PPP2R3A: variants seen among roughly 807,000 people sequenced by gnomAD.
PPP2R3A encodes protein phosphatase 2 regulatory subunit B''alpha.
A neutral mutation model predicts 106.9 loss-of-function variants in PPP2R3A; 80 were observed. The ratio of observed to expected loss-of-function variants is 0.75; its 90% confidence interval spans 0.62 to 0.90. The LOEUF is 0.90. PPP2R3A is among the 40% of genes least tolerant of loss of function. The probability of loss-of-function intolerance (pLI) is 0.00; values close to 1 mark genes in which losing one functional copy is unlikely to be tolerated. For missense variants in PPP2R3A, 1,386 were observed against 1,350.4 expected (o/e 1.03, Z -0.41); for synonymous variants, 483 against 468.3 (o/e 1.03, Z -0.41).
chr3:136,103,118 T>G, intron 11 of PPP2R3A, 140 bp from the exon 12 acceptor site: 3 of 511,692 alleles, frequency 5.9e-6, no homozygotes, highest in Non-Finnish European at 1.0e-5. Context: ...AAAAAAGAAA[T>G]GAGATTTAAA....
chr3:136,063,999 A>G (rs1936173399), intron 5 of PPP2R3A, among the ~76,000 whole-genome samples: 1 of 151,396 alleles, frequency 6.6e-6, no homozygotes. Context: ...TCACAATAGC[A>G]AAGACTTGGA....
At chr3:136,064,265 T>G (rs1452353928) in intron 5 of PPP2R3A, among the ~76,000 whole-genome samples, 3 of 89,956 alleles carry the variant, frequency 3.3e-5, no homozygotes, top group South Asian at 4.6e-4. Context: ...TGGGGACTGT[T>G]GTGGGGTGGG....
intron 7 of PPP2R3A, among the ~76,000 whole-genome samples, chr3:136,080,547 A>G (rs917751723): frequency 1.3e-5 from 2 of 152,226 alleles, no homozygotes; most frequent in African/African-American, 4.8e-5. Flanking sequence ...TTGCTTCTAA[A>G]TATGTGCTTT....
At chr3:135,967,183 A>G (rs888176386) in intron 1 of PPP2R3A, among the ~76,000 whole-genome samples, 7 of 152,170 alleles carry the variant, frequency 4.6e-5, no homozygotes, top group Non-Finnish European at 8.8e-5. Flanking sequence ...ACTTGTGGAA[A>G]AAAACTTAGA....
At chr3:136,027,659 C>T (rs1934717535) in intron 3 of PPP2R3A, among the ~76,000 whole-genome samples, 1 of 152,206 alleles carries the variant, frequency 6.6e-6, no homozygotes, top group South Asian at 2.1e-4. Context: ...ACAGTTAATA[C>T]TTAGCATAAC....
chr3:136,083,544 C>T (rs1162162196), intron 8 of PPP2R3A, among the ~76,000 whole-genome samples: 1 of 152,176 alleles, frequency 6.6e-6, no homozygotes, highest in Non-Finnish European at 1.5e-5. Context: ...TATGTCTTTA[C>T]TAGCAGCATG....
At chr3:135,975,650 T>A (rs186289220) in intron 1 of PPP2R3A, among the ~76,000 whole-genome samples, 2 of 152,300 alleles carry the variant, frequency 1.3e-5, no homozygotes, top group African/African-American at 4.8e-5. Context: ...TTGGGTTGTT[T>A]CCAATTTTTC....
chr3:136,056,350 A>G (rs1300858837), intron 5 of PPP2R3A, among the ~76,000 whole-genome samples: 2 of 152,232 alleles, frequency 1.3e-5, no homozygotes, highest in Non-Finnish European at 2.9e-5. Flanking sequence ...TAATGTGTCA[A>G]TATCAGTTTA....
At chr3:136,009,097 C>T (rs1933953237) in intron 2 of PPP2R3A, among the ~76,000 whole-genome samples, 1 of 152,238 alleles carries the variant, frequency 6.6e-6, no homozygotes, top group South Asian at 2.1e-4. Flanking sequence ...GATTTACCGG[C>T]AAAGTTTCCT....
At chr3:135,992,306 A>C (rs1004765148) in intron 1 of PPP2R3A, among the ~76,000 whole-genome samples, 1 of 152,182 alleles carries the variant, frequency 6.6e-6, no homozygotes, top group Non-Finnish European at 1.5e-5. Context: ...TTCTCTGTTA[A>C]ATAAAAAGTT....
At chr3:136,124,809 A>C (rs531892976) in intron 13 of PPP2R3A, among the ~76,000 whole-genome samples, 12 of 152,276 alleles carry the variant, frequency 7.9e-5, no homozygotes, top group African/African-American at 2.9e-4. Flanking sequence ...CAGGAATGGA[A>C]GAGGAAACAT....
intron 4 of PPP2R3A, among the ~76,000 whole-genome samples, chr3:136,047,201 A>G (rs1935500701): frequency 6.6e-6 from 1 of 152,232 alleles, no homozygotes; most frequent in South Asian, 2.1e-4. Context: ...CAGTCTCACT[A>G]AAGAGGTGGA....
rs1038937400 is a variant in PPP2R3A, at chr3:136,145,512, CCT to C, written c.*347_*348del. 1.9e-5 allele frequency: 3 copies of C among 155,674 alleles called. No individual in the cohort carries two copies. Among genetic ancestry groups the C allele is most frequent in the African/African-American group, 4.8e-5 (2 of 41,504 alleles). 9.6% of individuals were successfully genotyped at this position (155,674 alleles called of 1,614,324 possible). On this transcript the variant is annotated 3_prime_UTR_variant, in exon 14 of 14. Coordinates refer to ENST00000264977, the MANE Select transcript of PPP2R3A (RefSeq NM_002718.5). ...AGTTGCCTCTGTGTTGGCTGGCATC[CCT>C]GAGTCCCCTCCGGGCTCCTATGGAG...
rs747811648 is a variant in PPP2R3A, at chr3:136,138,695, A to ATTTTTTTTTT, written c.3330-6322_3330-6313dup. ...AGACTCCAAACTAGAGAAATATTGA[A>ATTTTTTTTTT]TTTTTTTTTTTTTTTTTTTTTTTTT... is the stretch of plus-strand genomic sequence containing the variant. On this transcript the variant is annotated intron_variant, in intron 13 of 13. Transcript: ENST00000264977. Among the ~76,000 whole-genome samples, 145 of 50,640 alleles carry ATTTTTTTTTT rather than the reference A, an allele frequency of 2.9e-3. 17 individuals carry two copies. Among genetic ancestry groups the ATTTTTTTTTT allele is most frequent in the East Asian group, 9.7e-3 (9 of 928 alleles). The allele number at this position is 50,640 out of a possible 152,430, so 33.2% of individuals were successfully genotyped here.
chr3:136,086,374 C>G (rs778475691), intron 8 of PPP2R3A, among the ~76,000 whole-genome samples: 1 of 151,756 alleles, frequency 6.6e-6, no homozygotes, highest in African/African-American at 2.4e-5. Flanking sequence ...CCTAGCTACT[C>G]GGGAGGCTGA....
chr3:136,085,795 A>C (rs1380651589), intron 8 of PPP2R3A, among the ~76,000 whole-genome samples: 2 of 152,082 alleles, frequency 1.3e-5, no homozygotes, highest in Admixed American at 1.3e-4. Context: ...TCTTAAGAAA[A>C]GGCTCATCAG....
intron 13 of PPP2R3A, among the ~76,000 whole-genome samples, chr3:136,122,165 GGAT>G (rs1938019711): frequency 1.3e-5 from 2 of 152,094 alleles, no homozygotes; most frequent in Admixed American, 1.3e-4. Flanking sequence ...GCATGAAAAA[GGAT>G]GACATAGCTG....
intron 1 of PPP2R3A, among the ~76,000 whole-genome samples, chr3:135,999,397 G>A (rs1423973508): frequency 6.6e-6 from 1 of 152,128 alleles, no homozygotes; most frequent in Admixed American, 6.5e-5. Context: ...TTCTGAGTTA[G>A]GTTGGATCTC....
chr3:136,038,943 A>G (rs1278338588), intron 3 of PPP2R3A, among the ~76,000 whole-genome samples: 3 of 152,212 alleles, frequency 2.0e-5, no homozygotes. Context: ...GACTTAAAAA[A>G]TCTTAAATTC....
Sources: gnomAD v4.1 joint callset for allele counts (sites outside exome capture counted in the v4.1 genomes callset) on GRCh38, gnomAD v4.1.1 for gene constraint, MANE v1.5 for transcripts, NCBI Gene and HGNC (gene_info 2026-07-23, HGNC 2026-07-21) for gene names.